The following SLC5A1 variants were observed in gnomAD, a reference collection of about 807,000 sequenced individuals.
SLC5A1 encodes the protein solute carrier family 5 member 1.
In SLC5A1, 42 loss-of-function variants were observed where a neutral mutation model predicts 73.5. That is an observed-to-expected ratio of 0.57 (90% CI 0.45 to 0.74). The LOEUF is 0.74. Among genes scored for constraint, SLC5A1 ranks in the 30% least tolerant of loss-of-function variants. The pLI, the probability that SLC5A1 is intolerant of heterozygous loss-of-function variation, is 0.00. For synonymous variants in SLC5A1, 300 were observed against 317.4 expected (o/e 0.95, Z 0.58); for missense variants, 634 against 855.4 (o/e 0.74, Z 3.23).
At position 32,112,254 on chromosome 22, in the gene SLC5A1, T is replaced by C. The variant is rs1569320781; in HGVS notation, c.*2041T>C. ...AGGGTCTTCAGAATTGAAGGAGAGATGTTGTATCACTGTTAGAAGGCTGCT... is the reference window on the plus strand; with the variant it reads ...AGGGTCTTCAGAATTGAAGGAGAGACGTTGTATCACTGTTAGAAGGCTGCT... On this transcript the variant is annotated 3_prime_UTR_variant, in exon 15 of 15. Transcript: ENST00000266088. The C allele has an allele frequency of 6.6e-6, 1 of 152,126 alleles. No homozygotes were observed. Among genetic ancestry groups the C allele is most frequent in the East Asian group, 1.9e-4 (1 of 5,196 alleles). 9.4% of individuals were successfully genotyped at this position (152,126 alleles called of 1,614,324 possible). A position where few individuals can be genotyped will look rare whatever the true frequency, so the allele number is the denominator to read the frequency against.
Position 32,070,278 on chromosome 22 carries a change from C to T in SLC5A1, c.477+1678C>T, listed in dbSNP as rs1394502748. Among the ~76,000 whole-genome samples, 5 of 112,348 alleles carry T rather than the reference C, an allele frequency of 4.5e-5. 1 individual carries two copies. Among genetic ancestry groups the T allele is most frequent in the African/African-American group, 1.7e-4 (5 of 30,090 alleles). The allele number at this position is 112,348 out of a possible 152,430, so 73.7% of individuals were successfully genotyped here. Reference sequence around the variant, plus strand: ...CCTCCCCCTCCCCTCCCCGTCCCCCCTCCCTCCCTTCTTCTTCATTCTTCT... The same window carrying T: ...CCTCCCCCTCCCCTCCCCGTCCCCCTTCCCTCCCTTCTTCTTCATTCTTCT... On this transcript the variant is annotated intron_variant, in intron 5 of 14. Coordinates refer to ENST00000266088, the MANE Select transcript of SLC5A1 (RefSeq NM_000343.4).
intron 11 of SLC5A1, among the ~76,000 whole-genome samples, chr22:32,093,115 T>C (rs2094020723): frequency 6.6e-6 from 1 of 152,160 alleles, no homozygotes; most frequent in Admixed American, 6.5e-5. Context: ...TGGCTCTAAG[T>C]ATTTGGGTTT....
chr22:32,089,774 T>C (rs2094014009), intron 10 of SLC5A1, among the ~76,000 whole-genome samples: 1 of 152,122 alleles, frequency 6.6e-6, no homozygotes, highest in South Asian at 2.1e-4. Context: ...AGATGGATGA[T>C]AGGTCTAGGT....
At chr22:32,084,807 A>G in intron 8 of SLC5A1, 93 bp from the exon 9 acceptor site, 1 of 1,577,736 alleles carries the variant, frequency 6.3e-7, no homozygotes, top group Non-Finnish European at 8.7e-7. Flanking sequence ...CAGCAGTGCC[A>G]GGCCAATGAC....
chr22:32,064,373 G>C (rs371517808), intron 2 of SLC5A1, among the ~76,000 whole-genome samples: 1 of 152,056 alleles, frequency 6.6e-6, no homozygotes, highest in Non-Finnish European at 1.5e-5. Flanking sequence ...GTGCGCGCCT[G>C]TAGTCCCAGC....
chr22:32,051,251 G>T (rs1026744474), intron 2 of SLC5A1, among the ~76,000 whole-genome samples: 2 of 152,194 alleles, frequency 1.3e-5, no homozygotes, highest in South Asian at 2.1e-4. Context: ...GATTTGGCTT[G>T]TTCCAGCTTT....
chr22:32,075,424 G>T (rs2093989333), intron 5 of SLC5A1, among the ~76,000 whole-genome samples: 1 of 152,148 alleles, frequency 6.6e-6, no homozygotes, highest in African/African-American at 2.4e-5. Context: ...GTGGTCTTAT[G>T]TTCTGCGCTT....
Position 32,112,433 on chromosome 22 carries a change from G to T in SLC5A1, c.*2220G>T, listed in dbSNP as rs1329131644. 6.6e-6 allele frequency: 1 copy of T among 152,128 alleles called. No individual in the cohort carries two copies. Among genetic ancestry groups the T allele is most frequent in the Non-Finnish European group, 1.5e-5 (1 of 68,048 alleles). 9.4% of individuals were successfully genotyped at this position (152,128 alleles called of 1,614,324 possible). A position where few individuals can be genotyped will look rare whatever the true frequency, so the allele number is the denominator to read the frequency against. ...AGAGCTGTTGTAAAGATTAGGTGAG[G>T]TCAATTGATACTGCTTAAAAGGCCC... On this transcript the variant is annotated 3_prime_UTR_variant, in exon 15 of 15. Transcript: ENST00000266088.
Position 32,089,608 on chromosome 22 carries a change from T to A in SLC5A1, c.1130-2004T>A, listed in dbSNP as rs184164069. Among the ~76,000 whole-genome samples, 78 of 152,344 alleles carry A rather than the reference T, an allele frequency of 5.1e-4. No homozygotes were observed. The East Asian group carries it at 9.8e-3, about 19-fold the overall frequency. ...GGCAAAATGGATAAGGAGTAAGACC[T>A]GTTCTGTTGGGTACCATGAGGACTA... On this transcript the variant is annotated intron_variant, in intron 10 of 14. Transcript: ENST00000266088.
In SLC5A1 at chr22:32,098,482, C is replaced by A. The variant is rs183664139; in HGVS notation, c.1281-701C>A. On this transcript the variant is annotated intron_variant, in intron 11 of 14. Transcript: ENST00000266088. The stretch of plus-strand genomic sequence containing the variant: ...GACTCAGAGAGGTTAAGAAATGTCT[C>A]CTATGTCACACAGAAATAATAAGAA... 6.6e-5 allele frequency among the ~76,000 whole-genome samples: 10 copies of A among 152,278 alleles called. No individual in the cohort carries two copies. In the East Asian group the frequency reaches 1.9e-3, roughly 29 times the overall value.
intron 2 of SLC5A1, among the ~76,000 whole-genome samples, chr22:32,066,060 T>C (rs2093972468): frequency 6.6e-6 from 1 of 152,204 alleles, no homozygotes; most frequent in Non-Finnish European, 1.5e-5. Context: ...TCAAATGCAA[T>C]TGAATTGCTG....
At chr22:32,102,625 A>G (rs1184214567) in intron 13 of SLC5A1, among the ~76,000 whole-genome samples, 1 of 152,184 alleles carries the variant, frequency 6.6e-6, no homozygotes, top group Non-Finnish European at 1.5e-5. Context: ...ATAATAAATT[A>G]CGTATAGCTG....
At chr22:32,092,301 A>C (rs1456077436) in intron 11 of SLC5A1, among the ~76,000 whole-genome samples, 1 of 152,174 alleles carries the variant, frequency 6.6e-6, no homozygotes, top group East Asian at 1.9e-4. Flanking sequence ...GCTGAGTAGG[A>C]TTCCATCATA....
chr22:32,082,739 C>A (rs571165357), intron 6 of SLC5A1, among the ~76,000 whole-genome samples: 2 of 152,316 alleles, frequency 1.3e-5, no homozygotes, highest in African/African-American at 4.8e-5. Flanking sequence ...CAGCTCTTTG[C>A]TCCTCCCTGC....
At chr22:32,091,300 C>CAA (rs2094016958) in intron 10 of SLC5A1, among the ~76,000 whole-genome samples, 1 of 18,272 alleles carries the variant, frequency 5.5e-5, no homozygotes, top group Middle Eastern at 0.033. Context: ...CATACACAAA[C>CAA]ACACACACAC....
chr22:32,057,285 G>A (rs934086969), intron 2 of SLC5A1, among the ~76,000 whole-genome samples: 2 of 152,080 alleles, frequency 1.3e-5, no homozygotes, highest in African/African-American at 4.8e-5. Flanking sequence ...ATTGTTTTTT[G>A]AGATATGATC....
chr22:32,087,335 A>G (rs2149493087), intron 10 of SLC5A1, among the ~76,000 whole-genome samples: 1 of 151,486 alleles, frequency 6.6e-6, no homozygotes, highest in East Asian at 1.9e-4. Context: ...ATTTCAAGAC[A>G]TCATATTATA....
chr22:32,083,162 G>A lies in SLC5A1; in HGVS notation c.664+8G>A. ...TAATCCTGACTGGGTTTGGTAAGTG[G>A]GGCCAGGGCAGGCTGAGGAGGTGGG... On this transcript the variant is annotated splice_region_variant and intron_variant, in intron 7 of 14. Transcript: ENST00000266088. 6.2e-7 allele frequency: 1 copy of A among 1,613,256 alleles called. No homozygotes were observed. The highest frequency in any genetic ancestry group is 8.5e-7 in the Non-Finnish European group (1 of 1,179,236).
intron 10 of SLC5A1, among the ~76,000 whole-genome samples, chr22:32,088,932 GTC>G (rs534413007): frequency 6.6e-6 from 1 of 152,172 alleles, no homozygotes; most frequent in South Asian, 2.1e-4. Flanking sequence ...CCTAATGTAT[GTC>G]TCTCTATTTT....
Sources: gnomAD v4.1 joint callset for allele counts (sites outside exome capture counted in the v4.1 genomes callset) on GRCh38, gnomAD v4.1.1 for gene constraint, MANE v1.5 for transcripts, NCBI Gene and HGNC (gene_info 2026-07-23, HGNC 2026-07-21) for gene names.